Variants in ARHGAP8 observed in about 807,000 individuals in gnomAD.
The protein encoded by ARHGAP8 is rho GTPase-activating protein 8.
Under a neutral mutation model 46.1 loss-of-function variants are expected in ARHGAP8, and 62 were observed. The ratio of observed to expected loss-of-function variants is 1.34; its 90% CI spans 1.10 to 1.66. ARHGAP8 has a LOEUF of 1.66. Among genes scored for constraint, ARHGAP8 ranks in the 40% most tolerant of loss-of-function variants. The pLI, the probability that ARHGAP8 is intolerant of heterozygous loss-of-function variation, is 0.00. For missense variants in ARHGAP8, 923 were observed against 568.4 expected, an observed-to-expected ratio of 1.62 and a Z score of -6.34; for synonymous variants, 375 against 243.1, an observed-to-expected ratio of 1.54 and a Z score of -5.05.
chr22:44,818,294 C>A (rs536895299), intron 5 of ARHGAP8, among the ~76,000 whole-genome samples: 1 of 151,944 alleles, frequency 6.6e-6, no homozygotes, highest in Non-Finnish European at 1.5e-5. Flanking sequence ...ACTAAAAATA[C>A]AAAAATCAGC....
At chr22:44,811,389 A>G (rs1929323846) in intron 4 of ARHGAP8, among the ~76,000 whole-genome samples, 1 of 152,224 alleles carries the variant, frequency 6.6e-6, no homozygotes, top group South Asian at 2.1e-4. Context: ...GGGCGTTGAT[A>G]AGTGGAGCCA....
chr22:44,851,029 C>G (rs1448356160), intron 10 of ARHGAP8: 1 of 150,084 alleles, frequency 6.7e-6, no homozygotes, highest in African/African-American at 2.4e-5. Context: ...TGAAAATCAT[C>G]TACCACCCAG....
chr22:44,839,326 G>C (rs902709649), intron 7 of ARHGAP8, among the ~76,000 whole-genome samples: 8 of 152,174 alleles, frequency 5.3e-5, no homozygotes, highest in Non-Finnish European at 1.2e-4. Flanking sequence ...TGTCCCCAAC[G>C]TGAAGCTTCA....
chr22:44,852,189 CAAAAAAAAAAAAAAAAA>C (rs58207915), intron 10 of ARHGAP8, among the ~76,000 whole-genome samples: 2 of 76,022 alleles, frequency 2.6e-5, no homozygotes, highest in South Asian at 6.3e-4. Flanking sequence ...GAGACTTTGT[CAAAAAAAAAAAAAAAAA>C]AAAAAAAAAA....
chr22:44,780,076 G>A (rs1926733254), intron 1 of ARHGAP8, among the ~76,000 whole-genome samples: 1 of 152,200 alleles, frequency 6.6e-6, no homozygotes, highest in African/African-American at 2.4e-5. Flanking sequence ...TTGAGGAGCT[G>A]GCCGGCATAG....
intron 1 of ARHGAP8, among the ~76,000 whole-genome samples, chr22:44,754,844 C>A (rs1924543191): frequency 6.6e-6 from 1 of 152,020 alleles, no homozygotes. Context: ...GTATGTTTCA[C>A]CACATTAAAA....
intron 10 of ARHGAP8, among the ~76,000 whole-genome samples, chr22:44,857,921 C>T (rs1412540366): frequency 1.2e-5 from 1 of 86,082 alleles, no homozygotes; most frequent in South Asian, 2.9e-4. Flanking sequence ...GCCTACTTGC[C>T]AGCAGGTATT....
intron 2 of ARHGAP8, among the ~76,000 whole-genome samples, chr22:44,799,198 G>T (rs1373662591): frequency 6.6e-6 from 1 of 152,204 alleles, no homozygotes; most frequent in African/African-American, 2.4e-5. Context: ...TTACTGCATT[G>T]AGCAGAGCCC....
At chr22:44,859,911 C>T (rs1601534398) in intron 11 of ARHGAP8, 77 bp downstream of exon 11, 5 of 1,510,986 alleles carry the variant, frequency 3.3e-6, no homozygotes, top group South Asian at 2.4e-5. Flanking sequence ...GGACCAGTCC[C>T]CTCCTTGCCC....
At chr22:44,813,743 AC>A (rs1183582192) in intron 4 of ARHGAP8, among the ~76,000 whole-genome samples, 11 of 146,576 alleles carry the variant, frequency 7.5e-5, no homozygotes, top group African/African-American at 2.3e-4. Flanking sequence ...ACCTACACAC[AC>A]CTACATACAC....
chr22:44,842,391 G>T (rs549451207), intron 7 of ARHGAP8, among the ~76,000 whole-genome samples: 1 of 152,018 alleles, frequency 6.6e-6, no homozygotes, highest in Non-Finnish European at 1.5e-5. Context: ...AACAGCACAG[G>T]TCTTGCATAC....
intron 1 of ARHGAP8, chr22:44,765,138 G>A (rs132460): frequency 0.11 from 17,048 of 152,360 alleles, 1,054 homozygotes; most frequent in African/African-American, 0.12. Context: ...TGGCCCTGGG[G>A]CCACAGCTGG....
intron 7 of ARHGAP8, among the ~76,000 whole-genome samples, chr22:44,828,616 A>ATT (rs35378143): frequency 2.6e-5 from 4 of 151,000 alleles, no homozygotes; most frequent in African/African-American, 7.3e-5. Flanking sequence ...CACCTGGCTA[A>ATT]TTTTTTTTGT....
intron 7 of ARHGAP8, among the ~76,000 whole-genome samples, chr22:44,840,323 G>T (rs544137209): frequency 9.9e-5 from 15 of 152,192 alleles, no homozygotes; most frequent in African/African-American, 2.6e-4. Context: ...TGGAGGTTCT[G>T]GGGGGTATCT....
chr22:44,845,409 T>A, intron 8 of ARHGAP8, 67 bp downstream of exon 8: 1 of 1,605,514 alleles, frequency 6.2e-7, no homozygotes. Context: ...GGGTGGTTTG[T>A]CTTGGATCCT....
chr22:44,860,553 C>CTTAAG (rs1555924049), intron 11 of ARHGAP8, among the ~76,000 whole-genome samples: 1 of 150,676 alleles, frequency 6.6e-6, no homozygotes, highest in Non-Finnish European at 1.5e-5. Context: ...AGATCCTCAA[C>CTTAAG]GACAGCTGCA....
At chr22:44,823,770 T>C (rs529974403) in intron 6 of ARHGAP8, among the ~76,000 whole-genome samples, 1 of 152,096 alleles carries the variant, frequency 6.6e-6, no homozygotes, top group African/African-American at 2.4e-5. Context: ...GGGGATGAAA[T>C]GGACGGCATC....
chr22:44,787,047 AAAAAG>A (rs1927308208), intron 2 of ARHGAP8, among the ~76,000 whole-genome samples: 3 of 145,484 alleles, frequency 2.1e-5, no homozygotes, highest in African/African-American at 5.0e-5. Context: ...CAAAAAAAAA[AAAAAG>A]AAAGAAGTAA....
At chr22:44,833,585 G>T (rs1931103286) in intron 7 of ARHGAP8, among the ~76,000 whole-genome samples, 1 of 151,994 alleles carries the variant, frequency 6.6e-6, no homozygotes, top group Non-Finnish European at 1.5e-5. Context: ...TTTTGTTGAG[G>T]ATTTTGTATT....
Sources: allele counts gnomAD v4.1 joint callset (sites outside exome capture counted in the v4.1 genomes callset), GRCh38; gene constraint gnomAD v4.1.1; transcripts MANE v1.5; gene names NCBI Gene and HGNC (gene_info 2026-07-23, HGNC 2026-07-21).